Variants in ANGPT1 observed in about 807,000 individuals in gnomAD.
ANGPT1 encodes the protein angiopoietin-1.
ANGPT1 carries 17 observed loss-of-function variants against 62.2 expected under a neutral mutation model. That is an observed-to-expected ratio of 0.27 (90% CI 0.19 to 0.41). ANGPT1 has a LOEUF of 0.41. ANGPT1 is among the 10% of genes least tolerant of loss of function. ANGPT1 has a pLI of 1.00. For synonymous variants in ANGPT1, 199 were observed against 198.9 expected (o/e 1.00, Z 0.00); for missense variants, 478 against 594.9 (o/e 0.80, Z 2.04).
At chr8:107,404,644 T>C (rs1402575084) in intron 1 of ANGPT1, among the ~76,000 whole-genome samples, 2 of 152,126 alleles carry the variant, frequency 1.3e-5, no homozygotes, top group African/African-American at 4.8e-5. Flanking sequence ...TTATAAAAGA[T>C]ACTGCAATGA....
chr8:107,418,724 GA>G (rs1810817387), intron 1 of ANGPT1, among the ~76,000 whole-genome samples: 1 of 152,126 alleles, frequency 6.6e-6, no homozygotes, highest in Non-Finnish European at 1.5e-5. Context: ...TCTGGCTCAT[GA>G]AAAATAAAAA....
At chr8:107,327,532 A>C (rs1455961740) in intron 3 of ANGPT1, among the ~76,000 whole-genome samples, 2 of 152,154 alleles carry the variant, frequency 1.3e-5, no homozygotes, top group Non-Finnish European at 2.9e-5. Flanking sequence ...TGTTCTTTGA[A>C]GCAAAATAAG....
chr8:107,349,449 T>A (rs1225845971), intron 1 of ANGPT1, among the ~76,000 whole-genome samples: 2 of 152,170 alleles, frequency 1.3e-5, no homozygotes, highest in Non-Finnish European at 2.9e-5. Context: ...GAATATTCCT[T>A]ACTTTTCCAG....
At chr8:107,481,929 A>G (rs1486250761) in intron 1 of ANGPT1, among the ~76,000 whole-genome samples, 1 of 152,178 alleles carries the variant, frequency 6.6e-6, no homozygotes, top group Non-Finnish European at 1.5e-5. Flanking sequence ...AGGAACTACA[A>G]TTCAAGATGA....
intron 1 of ANGPT1, among the ~76,000 whole-genome samples, chr8:107,410,972 C>A (rs181428004): frequency 6.6e-6 from 1 of 152,028 alleles, no homozygotes; most frequent in African/African-American, 2.4e-5. Context: ...GTCTCTACAA[C>A]CATTCTTATT....
rs997915324 is a variant in ANGPT1 at position 107,252,035 on chromosome 8, T to G, written c.1337-20A>C. ...ACCATCCTGAAAAAATAATTCATAATAGAAGAGAGAAGGAGAGGCAACAAT... is the reference window on the plus strand; with the variant it reads ...ACCATCCTGAAAAAATAATTCATAAGAGAAGAGAGAAGGAGAGGCAACAAT... On this transcript the variant is annotated intron_variant, in intron 8 of 8. Transcript: ENST00000517746. 2.5e-6 allele frequency: 4 copies of G among 1,605,758 alleles called. No homozygotes were observed. Among genetic ancestry groups the G allele is most frequent in the Admixed American group, 3.4e-5 (2 of 59,110 alleles).
At chr8:107,333,090 C>A (rs1021069371) in intron 3 of ANGPT1, among the ~76,000 whole-genome samples, 14 of 152,154 alleles carry the variant, frequency 9.2e-5, no homozygotes, top group African/African-American at 3.1e-4. Flanking sequence ...TAAACAATAA[C>A]AATAAACAGA....
At chr8:107,334,999 G>A (rs908697640) in intron 3 of ANGPT1, among the ~76,000 whole-genome samples, 3 of 152,162 alleles carry the variant, frequency 2.0e-5, no homozygotes, top group Non-Finnish European at 4.4e-5. Context: ...CCAACAGCCA[G>A]GTTTGTATTT....
chr8:107,386,298 G>A (rs952104633), intron 1 of ANGPT1, among the ~76,000 whole-genome samples: 2 of 152,062 alleles, frequency 1.3e-5, no homozygotes, highest in Non-Finnish European at 2.9e-5. Flanking sequence ...TATTATGCTA[G>A]TTAGCTGGAT....
intron 1 of ANGPT1, among the ~76,000 whole-genome samples, chr8:107,475,641 A>C (rs190884903): frequency 1.8e-4 from 27 of 152,366 alleles, no homozygotes; most frequent in African/African-American, 6.3e-4. Context: ...CATCAGAGTG[A>C]ACAGGCAACC....
chr8:107,443,713 G>A (rs2130437073), intron 1 of ANGPT1, among the ~76,000 whole-genome samples: 1 of 151,614 alleles, frequency 6.6e-6, no homozygotes, highest in Admixed American at 6.6e-5. Flanking sequence ...CAGCTATTCA[G>A]GAGGCTGAGG....
At chr8:107,276,204 TCA>T (rs1384450845) in intron 7 of ANGPT1, among the ~76,000 whole-genome samples, 1 of 152,086 alleles carries the variant, frequency 6.6e-6, no homozygotes, top group Admixed American at 6.6e-5. Flanking sequence ...ACAACAAAAA[TCA>T]CAGTCTAAAT....
intron 1 of ANGPT1, among the ~76,000 whole-genome samples, chr8:107,416,439 G>T (rs997816839): frequency 6.6e-6 from 1 of 152,216 alleles, no homozygotes; most frequent in South Asian, 2.1e-4. Context: ...AAGTGCAGGA[G>T]CCTTTCCTCT....
At chr8:107,464,549 C>A (rs1264115150) in intron 1 of ANGPT1, among the ~76,000 whole-genome samples, 1 of 152,100 alleles carries the variant, frequency 6.6e-6, no homozygotes, top group Admixed American at 6.6e-5. Context: ...CTATCCCTGA[C>A]TTCTAGGAGC....
chr8:107,409,806 G>C (rs1326401015), intron 1 of ANGPT1, among the ~76,000 whole-genome samples: 1 of 150,808 alleles, frequency 6.6e-6, no homozygotes, highest in Non-Finnish European at 1.5e-5. Flanking sequence ...TAGAATTCTT[G>C]TATTTATTTT....
intron 5 of ANGPT1, among the ~76,000 whole-genome samples, chr8:107,302,402 C>G (rs1283163400): frequency 6.6e-6 from 1 of 151,940 alleles, no homozygotes; most frequent in Non-Finnish European, 1.5e-5. Context: ...TAATCTCACT[C>G]TCTTCAGCTG....
At chr8:107,445,576 C>T (rs1811595843) in intron 1 of ANGPT1, among the ~76,000 whole-genome samples, 1 of 152,088 alleles carries the variant, frequency 6.6e-6, no homozygotes, top group South Asian at 2.1e-4. Flanking sequence ...TCTGTTCACA[C>T]ATCAGTGTCT....
intron 1 of ANGPT1, among the ~76,000 whole-genome samples, chr8:107,414,721 C>T (rs1810692679): frequency 6.6e-6 from 1 of 152,130 alleles, no homozygotes; most frequent in Non-Finnish European, 1.5e-5. Flanking sequence ...CTTCCCACTT[C>T]CAAGTGCCCA....
In ANGPT1 at chr8:107,281,985, T is replaced by C. The variant is rs117721863; in HGVS notation, c.1205+2697A>G. On this transcript the variant is annotated intron_variant, in intron 7 of 8. Coordinates refer to ENST00000517746, the MANE Select transcript of ANGPT1 (RefSeq NM_001146.5). ...AGGCAGTGATGGACAATGTGAGTTCTAACTGCAGGCCACGGGAGGCATTAA... is the reference window on the plus strand; with the variant it reads ...AGGCAGTGATGGACAATGTGAGTTCCAACTGCAGGCCACGGGAGGCATTAA... Among the ~76,000 whole-genome samples, 382 of 151,660 alleles carry C rather than the reference T, an allele frequency of 2.5e-3. 2 individuals are homozygous for C. Among genetic ancestry groups the C allele is most frequent in the African/African-American group, 8.6e-3 (355 of 41,342 alleles).
Sources: allele counts gnomAD v4.1 joint callset (sites outside exome capture counted in the v4.1 genomes callset), GRCh38; gene constraint gnomAD v4.1.1; transcripts MANE v1.5; gene names NCBI Gene and HGNC (gene_info 2026-07-23, HGNC 2026-07-21).